The following EXD2 variants were observed in gnomAD, a reference collection of about 807,000 sequenced individuals.
The protein encoded by EXD2 is exonuclease 3'-5' domain containing 2.
Under a neutral mutation model 62.5 loss-of-function variants are expected in EXD2, and 40 were observed. That is an observed-to-expected ratio of 0.64 (90% CI 0.50 to 0.83). The LOEUF (loss-of-function observed/expected upper bound fraction) is 0.83. Ranked by LOEUF, EXD2 falls within the 40% of genes least tolerant of loss-of-function variation. The pLI is 0.00. For synonymous variants in EXD2, 239 were observed against 291.9 expected, an observed-to-expected ratio of 0.82 and a Z score of 1.85; for missense variants, 671 against 761.8, an observed-to-expected ratio of 0.88 and a Z score of 1.40.
intron 1 of EXD2, among the ~76,000 whole-genome samples, chr14:69,194,065 T>C (rs1010008753): frequency 6.6e-6 from 1 of 152,200 alleles, no homozygotes; most frequent in Non-Finnish European, 1.5e-5. Context: ...AATAGTTTTT[T>C]TTCTTTAATT....
At chr14:69,211,016 G>T (rs2140240064) in intron 3 of EXD2, among the ~76,000 whole-genome samples, 1 of 152,230 alleles carries the variant, frequency 6.6e-6, no homozygotes, top group South Asian at 2.1e-4. Flanking sequence ...GGTTGCTGAA[G>T]GTTGGAGTTC....
chr14:69,238,097 C>T (rs1041774312), intron 9 of EXD2, among the ~76,000 whole-genome samples, 166 bp downstream of exon 9: 21 of 152,252 alleles, frequency 1.4e-4, no homozygotes, highest in African/African-American at 4.8e-4. Context: ...TGGAATAGAA[C>T]AATCTACTTG....
intron 4 of EXD2, among the ~76,000 whole-genome samples, chr14:69,230,269 GT>G (rs1279308894): frequency 4.6e-5 from 7 of 152,208 alleles, no homozygotes; most frequent in African/African-American, 1.7e-4. Flanking sequence ...ACCTCACAGG[GT>G]TGGTGTGAGT....
intron 1 of EXD2, among the ~76,000 whole-genome samples, chr14:69,193,249 G>T (rs888802916): frequency 2.6e-5 from 4 of 152,070 alleles, no homozygotes; most frequent in African/African-American, 9.7e-5. Context: ...AGTAGAGACG[G>T]GGTTTCACCG....
intron 1 of EXD2, among the ~76,000 whole-genome samples, chr14:69,195,489 A>T (rs2042175070): frequency 6.6e-6 from 1 of 152,204 alleles, no homozygotes; most frequent in Admixed American, 6.5e-5. Context: ...GAACCACCAC[A>T]CGCAGCTCCA....
intron 5 of EXD2, 82 bp from the exon 6 acceptor site, chr14:69,234,618 T>C (rs373883869): frequency 2.7e-6 from 3 of 1,126,898 alleles, no homozygotes; most frequent in East Asian, 2.4e-5. Flanking sequence ...CTAAGAGTTA[T>C]CTATTTCTTT....
At chr14:69,221,909 TAAAAAA>T (rs60647735) in intron 3 of EXD2, among the ~76,000 whole-genome samples, 1 of 52,034 alleles carries the variant, frequency 1.9e-5, no homozygotes, top group Admixed American at 3.2e-4. Context: ...CTGTCTCTAC[TAAAAAA>T]AAAAAAAAAA....
Position 69,241,212 on chromosome 14 carries a change from A to G in EXD2, c.*112A>G. On this transcript the variant is annotated 3_prime_UTR_variant, in exon 10 of 10. Transcript: ENST00000685843. ...TGTCAAAGCCTGTGTGACACAACTCAGAATACTAACCTAGACTAATCCCAG... is the reference window on the plus strand; with the variant it reads ...TGTCAAAGCCTGTGTGACACAACTCGGAATACTAACCTAGACTAATCCCAG... 1.2e-6 allele frequency: 1 copy of G among 819,724 alleles called. No individual in the cohort carries two copies. The highest frequency in any genetic ancestry group is 1.7e-5 in the South Asian group (1 of 58,954). 50.8% of individuals were successfully genotyped at this position (819,724 alleles called of 1,614,324 possible). A position where few individuals can be genotyped will look rare whatever the true frequency, so the allele number is the denominator to read the frequency against.
intron 3 of EXD2, among the ~76,000 whole-genome samples, chr14:69,223,867 G>A (rs1453879350): frequency 6.6e-6 from 1 of 152,122 alleles, no homozygotes; most frequent in Non-Finnish European, 1.5e-5. Flanking sequence ...TAAAGAAATA[G>A]CTGAGACTGG....
intron 1 of EXD2, among the ~76,000 whole-genome samples, chr14:69,193,446 T>G (rs1370894830): frequency 6.6e-6 from 1 of 152,222 alleles, no homozygotes; most frequent in African/African-American, 2.4e-5. Flanking sequence ...CTTTGCTGTT[T>G]TAATTTGCAT....
intron 4 of EXD2, among the ~76,000 whole-genome samples, chr14:69,229,583 C>T (rs1285857382): frequency 6.6e-6 from 1 of 152,188 alleles, no homozygotes; most frequent in Non-Finnish European, 1.5e-5. Flanking sequence ...CTGGCTCCTC[C>T]TAATAAGCCT....
At chr14:69,222,328 T>C (rs1436385307) in intron 3 of EXD2, among the ~76,000 whole-genome samples, 1 of 152,168 alleles carries the variant, frequency 6.6e-6, no homozygotes, top group Middle Eastern at 3.2e-3. Context: ...CTCTTATGTC[T>C]ATTGTTTCTT....
At chr14:69,221,210 C>A (rs2043173830) in intron 3 of EXD2, among the ~76,000 whole-genome samples, 1 of 152,150 alleles carries the variant, frequency 6.6e-6, no homozygotes, top group Non-Finnish European at 1.5e-5. Flanking sequence ...TAGCTTCATA[C>A]AACAGGTTAG....
At chr14:69,212,699 A>ATTTTCT (rs747694470) in intron 3 of EXD2, among the ~76,000 whole-genome samples, 2,779 of 57,368 alleles carry the variant, frequency 0.048, 179 homozygotes, top group Middle Eastern at 0.11. Context: ...ATGGTTCTTG[A>ATTTTCT]TTTTTTTTTT....
At chr14:69,231,909 T>TAAAA (rs747438242) in intron 5 of EXD2, among the ~76,000 whole-genome samples, 4 of 60,616 alleles carry the variant, frequency 6.6e-5, no homozygotes, top group Non-Finnish European at 1.3e-4. Flanking sequence ...GCATGAGCAG[T>TAAAA]AAAAAAAAAA....
Position 69,202,877 on chromosome 14 carries a change from T to C in EXD2, c.-131-1040T>C, listed in dbSNP as rs138513750. 9.5e-3 allele frequency among the ~76,000 whole-genome samples: 1,451 copies of C among 152,334 alleles called. 24 individuals carry two copies. Among genetic ancestry groups the C allele is most frequent in the African/African-American group, 0.033 (1,392 of 41,562 alleles). The stretch of plus-strand genomic sequence containing the variant: ...AAGTACAAAATATAAATTACAAATA[T>C]ATAAAATGAAGAACTTGATTTGGCA... On this transcript the variant is annotated intron_variant, in intron 1 of 9. Transcript: ENST00000685843.
chr14:69,212,284 G>A lies in EXD2; in HGVS notation c.333+2481G>A, dbSNP rs1283025149. Reference sequence around the variant, plus strand: ...CCTAGCTACTTGGGAGGCTGAGGCAGGAGAATTGCTTGAGCCCAGGAGGTG... The same window carrying A: ...CCTAGCTACTTGGGAGGCTGAGGCAAGAGAATTGCTTGAGCCCAGGAGGTG... On this transcript the variant is annotated intron_variant, in intron 3 of 9. Transcript: ENST00000685843. Among the ~76,000 whole-genome samples, 4 of 152,148 alleles carry A rather than the reference G, an allele frequency of 2.6e-5. No homozygotes were observed. In the East Asian group the frequency reaches 7.7e-4, roughly 29 times the overall value.
At chr14:69,227,795 C>T (rs1206939261) in intron 3 of EXD2, among the ~76,000 whole-genome samples, 1 of 152,134 alleles carries the variant, frequency 6.6e-6, no homozygotes, top group African/African-American at 2.4e-5. Context: ...GATTGAGCCA[C>T]TGCACTCAAG....
intron 2 of EXD2, among the ~76,000 whole-genome samples, chr14:69,208,501 C>T (rs771985479): frequency 1.3e-4 from 20 of 152,164 alleles, no homozygotes; most frequent in Non-Finnish European, 2.2e-4. Context: ...TGAGCCACCG[C>T]GCCCGGCCCA....
Sources: gnomAD v4.1 joint callset for allele counts (sites outside exome capture counted in the v4.1 genomes callset) on GRCh38, gnomAD v4.1.1 for gene constraint, MANE v1.5 for transcripts, NCBI Gene and HGNC (gene_info 2026-07-23, HGNC 2026-07-21) for gene names.